The following ESRRG variants were observed in gnomAD, a reference collection of about 807,000 sequenced individuals.
The protein encoded by ESRRG is estrogen-related receptor gamma.
ESRRG carries 13 observed loss-of-function variants against 44.0 expected under a neutral mutation model. The observed-to-expected ratio is 0.30, with a 90% CI of 0.19 to 0.47. ESRRG has a LOEUF of 0.47. Among genes scored for constraint, ESRRG ranks in the 20% least tolerant of loss-of-function variants. The pLI, the probability that ESRRG is intolerant of heterozygous loss-of-function variation, is 1.00. For missense variants in ESRRG, 395 were observed against 580.6 expected (o/e 0.68, Z 3.29); for synonymous variants, 215 against 214.6 (o/e 1.00, Z -0.02).
intron 2 of ESRRG, among the ~76,000 whole-genome samples, chr1:216,755,430 T>G (rs2092384183): frequency 6.6e-6 from 1 of 152,028 alleles, no homozygotes; most frequent in African/African-American, 2.4e-5. Context: ...AATAAATGGC[T>G]AAATTATCAA....
At chr1:217,043,098 T>C (rs1211228869) in intron 1 of ESRRG, among the ~76,000 whole-genome samples, 1 of 152,082 alleles carries the variant, frequency 6.6e-6, no homozygotes, top group Non-Finnish European at 1.5e-5. Context: ...AAGCATTACT[T>C]GGCATTCACA....
chr1:216,576,531 C>T (rs1011509750), intron 3 of ESRRG, among the ~76,000 whole-genome samples: 3 of 151,994 alleles, frequency 2.0e-5, no homozygotes, highest in South Asian at 2.1e-4. Context: ...CCCTCCGTTT[C>T]GGATTCAAGT....
chr1:216,926,160 T>C (rs2062539296), intron 2 of ESRRG, among the ~76,000 whole-genome samples: 1 of 152,192 alleles, frequency 6.6e-6, no homozygotes, highest in South Asian at 2.1e-4. Context: ...CGGGCACTTA[T>C]TAGAACACAG....
intron 5 of ESRRG, among the ~76,000 whole-genome samples, chr1:216,559,342 T>A (rs1352941284): frequency 6.6e-6 from 1 of 152,222 alleles, no homozygotes; most frequent in Non-Finnish European, 1.5e-5. Flanking sequence ...TACAAGTGTT[T>A]TAATTCATTC....
intron 4 of ESRRG, among the ~76,000 whole-genome samples, chr1:216,565,534 T>TA (rs1444740279): frequency 6.6e-6 from 1 of 152,176 alleles, no homozygotes; most frequent in Non-Finnish European, 1.5e-5. Context: ...TCACATAACT[T>TA]AGAGTTAAAT....
chr1:216,719,409 GA>G (rs1302689323), intron 1 of ESRRG, among the ~76,000 whole-genome samples: 2 of 151,820 alleles, frequency 1.3e-5, no homozygotes, highest in Non-Finnish European at 2.9e-5. Flanking sequence ...AACTAAGTAA[GA>G]AAAAAACTGA....
chr1:216,842,018 G>A (rs932193776), intron 2 of ESRRG, among the ~76,000 whole-genome samples: 1 of 152,016 alleles, frequency 6.6e-6, no homozygotes, highest in Non-Finnish European at 1.5e-5. Flanking sequence ...CCATTAAAGA[G>A]AATAAAATTA....
intron 2 of ESRRG, among the ~76,000 whole-genome samples, chr1:216,877,517 C>T (rs2096376397): frequency 6.6e-6 from 1 of 151,930 alleles, no homozygotes; most frequent in African/African-American, 2.4e-5. Context: ...AATTCTCCTG[C>T]CTCCGTCTCC....
At position 216,519,280 on chromosome 1, in the gene ESRRG, T is replaced by A. The variant is rs765878912; in HGVS notation, c.1004A>T (p.Asp335Val). The A allele has an allele frequency of 6.2e-7, 1 of 1,613,902 alleles. No homozygotes were observed. The highest frequency in any genetic ancestry group is 8.5e-7 in the Non-Finnish European group (1 of 1,179,888). Residue 335 changes from aspartate (D) to valine (V), a missense_variant, in exon 6 of 7, where the codon GAC (aspartate) becomes GTC (valine). Physicochemically the swap from Asp to Val is radical, Grantham distance 152. Coordinates refer to ENST00000408911, the MANE Select transcript of ESRRG (RefSeq NM_001438.4). ...VYADDYIMDEDQSKLAGLLDL... is the reference protein window; with the variant it reads ...VYADDYIMDEVQSKLAGLLDL... ...AAGAAGGCCTGCTAATTTGGACTGG[T>A]CTTCGTCCATTATATAATCGTCTGC...
At chr1:216,616,779 G>C (rs1441493957) in intron 3 of ESRRG, among the ~76,000 whole-genome samples, 1 of 152,140 alleles carries the variant, frequency 6.6e-6, no homozygotes, top group African/African-American at 2.4e-5. Context: ...GGAGATACAG[G>C]GCAGGTTTTC....
intron 3 of ESRRG, among the ~76,000 whole-genome samples, chr1:216,568,783 T>G (rs1040016927): frequency 6.6e-6 from 1 of 152,160 alleles, no homozygotes; most frequent in Non-Finnish European, 1.5e-5. Flanking sequence ...CCGGGCGCAG[T>G]GGCTCACGCC....
At chr1:216,917,313 G>C (rs1254150900) in intron 2 of ESRRG, among the ~76,000 whole-genome samples, 1 of 152,032 alleles carries the variant, frequency 6.6e-6, no homozygotes, top group Non-Finnish European at 1.5e-5. Context: ...CTTGATTCAA[G>C]GAGTAGTGAC....
chr1:216,517,109 A>G (rs1166776996), intron 6 of ESRRG, among the ~76,000 whole-genome samples: 1 of 152,196 alleles, frequency 6.6e-6, no homozygotes, highest in Non-Finnish European at 1.5e-5. Flanking sequence ...ATCACCTGCA[A>G]GAATATTTTG....
intron 5 of ESRRG, among the ~76,000 whole-genome samples, chr1:216,534,719 T>C (rs1296426723): frequency 6.6e-6 from 1 of 152,178 alleles, no homozygotes; most frequent in Non-Finnish European, 1.5e-5. Flanking sequence ...ATAAGTTGTT[T>C]TACACATAAA....
intron 2 of ESRRG, among the ~76,000 whole-genome samples, chr1:216,662,454 C>A (rs528267745): frequency 6.6e-6 from 1 of 152,026 alleles, no homozygotes; most frequent in Non-Finnish European, 1.5e-5. Context: ...GAGAGAAAGG[C>A]GAGGAAAGCC....
chr1:216,708,651 T>G (rs2082925647), intron 1 of ESRRG, among the ~76,000 whole-genome samples: 1 of 152,216 alleles, frequency 6.6e-6, no homozygotes. Flanking sequence ...TGGAAGACAA[T>G]GTGGTGATTC....
At chr1:217,042,801 T>C (rs1430615468) in intron 1 of ESRRG, among the ~76,000 whole-genome samples, 1 of 152,156 alleles carries the variant, frequency 6.6e-6, no homozygotes, top group Non-Finnish European at 1.5e-5. Flanking sequence ...TAAGCTCTGA[T>C]TTGGCAAGGA....
intron 5 of ESRRG, among the ~76,000 whole-genome samples, chr1:216,546,975 G>A (rs2054711085): frequency 6.6e-6 from 1 of 151,714 alleles, no homozygotes; most frequent in Admixed American, 6.6e-5. Context: ...CCCCTGACAG[G>A]CCCCGGTGTG....
At chr1:216,520,080 C>T (rs1043976755) in intron 5 of ESRRG, among the ~76,000 whole-genome samples, 15 of 151,988 alleles carry the variant, frequency 9.9e-5, no homozygotes, top group African/African-American at 3.6e-4. Context: ...GGCCTCCCCA[C>T]CAAAGAGAAA....
Sources: gnomAD v4.1 joint callset for allele counts (sites outside exome capture counted in the v4.1 genomes callset) on GRCh38, gnomAD v4.1.1 for gene constraint, MANE v1.5 for transcripts, NCBI Gene and HGNC (gene_info 2026-07-23, HGNC 2026-07-21) for gene names.